Variants in CWC27 observed in about 807,000 individuals in gnomAD.
The protein encoded by CWC27 is CWC27 spliceosome associated cyclophilin, also known as spliceosome-associated protein CWC27 homolog.
CWC27 carries 47 observed loss-of-function variants against 63.6 expected under a neutral mutation model. That is an observed-to-expected ratio of 0.74 (90% CI 0.58 to 0.94). CWC27 has a LOEUF of 0.94. Among genes scored for constraint, CWC27 ranks in the 40% least tolerant of loss-of-function variants. The probability of loss-of-function intolerance (pLI) is 0.00; values close to 1 mark genes in which losing one functional copy is unlikely to be tolerated. For missense variants in CWC27, 495 were observed against 554.3 expected, an observed-to-expected ratio of 0.89 and a Z score of 1.07; for synonymous variants, 175 against 179.8, an observed-to-expected ratio of 0.97 and a Z score of 0.22.
intron 11 of CWC27, among the ~76,000 whole-genome samples, chr5:64,922,464 T>G (rs1169472416): frequency 6.6e-6 from 1 of 152,226 alleles, no homozygotes; most frequent in Non-Finnish European, 1.5e-5. Flanking sequence ...GTAGTGAATT[T>G]TTCATATCCA....
intron 10 of CWC27, among the ~76,000 whole-genome samples, chr5:64,848,233 T>C (rs1056044046): frequency 2.0e-4 from 30 of 152,060 alleles, no homozygotes; most frequent in African/African-American, 6.8e-4. Context: ...TTATAAACAA[T>C]TATGCACCAA....
At chr5:64,942,611 A>G (rs1748507720) in intron 11 of CWC27, among the ~76,000 whole-genome samples, 1 of 152,256 alleles carries the variant, frequency 6.6e-6, no homozygotes, top group African/African-American at 2.4e-5. Flanking sequence ...TATACGCACC[A>G]AAAGATTGAT....
At chr5:64,855,182 ATGT>A (rs992675308) in intron 10 of CWC27, among the ~76,000 whole-genome samples, 7 of 152,078 alleles carry the variant, frequency 4.6e-5, no homozygotes, top group Admixed American at 6.5e-5. Flanking sequence ...TGAAAAAGAG[ATGT>A]TGTTGTCATA....
intron 11 of CWC27, among the ~76,000 whole-genome samples, chr5:64,910,140 A>G (rs1747753519): frequency 6.6e-6 from 1 of 152,102 alleles, no homozygotes. Flanking sequence ...ATTGACGTTG[A>G]TGCTATTCCT....
intron 10 of CWC27, among the ~76,000 whole-genome samples, chr5:64,868,891 C>A (rs919027682): frequency 2.0e-5 from 3 of 151,954 alleles, no homozygotes; most frequent in Non-Finnish European, 4.4e-5. Context: ...TTTGCATATA[C>A]CCTTCCCTCT....
intron 11 of CWC27, among the ~76,000 whole-genome samples, chr5:64,900,785 G>GT (rs1418721958): frequency 6.6e-6 from 1 of 152,042 alleles, no homozygotes; most frequent in African/African-American, 2.4e-5. Flanking sequence ...GTGTTGCTAG[G>GT]TGATTTTATC....
intron 12 of CWC27, among the ~76,000 whole-genome samples, chr5:64,975,828 G>A (rs1309863277): frequency 2.0e-5 from 3 of 152,176 alleles, no homozygotes; most frequent in Non-Finnish European, 4.4e-5. Context: ...ACTTTGGGAG[G>A]CCAAGGCGTG....
chr5:64,829,305 G>A (rs1340394734), intron 10 of CWC27, among the ~76,000 whole-genome samples: 1 of 152,058 alleles, frequency 6.6e-6, no homozygotes, highest in African/African-American at 2.4e-5. Context: ...CTCAACTTAT[G>A]AATGGATCAT....
intron 11 of CWC27, among the ~76,000 whole-genome samples, chr5:64,922,223 G>C (rs1011598799): frequency 3.9e-5 from 6 of 152,132 alleles, no homozygotes; most frequent in Non-Finnish European, 5.9e-5. Context: ...CCTCAAATAT[G>C]TTTTCCATAT....
chr5:64,931,560 A>AT (rs534375413), intron 11 of CWC27, among the ~76,000 whole-genome samples: 104 of 151,786 alleles, frequency 6.9e-4, no homozygotes, highest in African/African-American at 2.2e-3. Flanking sequence ...ACTAATCTTA[A>AT]TTTTTTTTAC....
chr5:64,919,754 C>T (rs1259611010), intron 11 of CWC27, among the ~76,000 whole-genome samples: 1 of 152,192 alleles, frequency 6.6e-6, no homozygotes, highest in Non-Finnish European at 1.5e-5. Context: ...TACAGTCCAC[C>T]ATTAATGGGC....
At chr5:64,952,804 A>G (rs1748736441) in intron 11 of CWC27, among the ~76,000 whole-genome samples, 1 of 152,106 alleles carries the variant, frequency 6.6e-6, no homozygotes. Flanking sequence ...TGCTCCTTTC[A>G]GATAGTCTCA....
At chr5:64,802,604 G>A (rs1237141591) in intron 9 of CWC27, among the ~76,000 whole-genome samples, 1 of 152,128 alleles carries the variant, frequency 6.6e-6, no homozygotes, top group Admixed American at 6.5e-5. Flanking sequence ...AGATGGGAAA[G>A]AGGTAGATTT....
intron 13 of CWC27, among the ~76,000 whole-genome samples, chr5:64,998,886 A>G (rs1020692068): frequency 1.3e-5 from 2 of 150,098 alleles, no homozygotes; most frequent in African/African-American, 4.9e-5. Context: ...TTGTTTTTTT[A>G]CCATTTGTAT....
At chr5:64,998,860 TTC>T (rs1218389943) in intron 13 of CWC27, among the ~76,000 whole-genome samples, 1 of 152,066 alleles carries the variant, frequency 6.6e-6, no homozygotes, top group Non-Finnish European at 1.5e-5. Flanking sequence ...GATTTTTAAT[TTC>T]TCTTTTGAGT....
chr5:64,969,625 A>C (rs1375968419), intron 11 of CWC27, among the ~76,000 whole-genome samples: 1 of 152,156 alleles, frequency 6.6e-6, no homozygotes, highest in Non-Finnish European at 1.5e-5. Context: ...TGAAAGATAC[A>C]CTTAAGAAAA....
Position 64,801,348 on chromosome 5 carries a change from G to A in CWC27, c.780+16G>A. 2 of 1,362,090 alleles carry A rather than the reference G, an allele frequency of 1.5e-6. No individual in the cohort carries two copies. The highest frequency in any genetic ancestry group is 9.8e-7 in the Non-Finnish European group (1 of 1,017,858). 84.4% of individuals were successfully genotyped at this position (1,362,090 alleles called of 1,614,324 possible). A position where few individuals can be genotyped will look rare whatever the true frequency, so the allele number is the denominator to read the frequency against. On this transcript the variant is annotated intron_variant, in intron 9 of 13. Coordinates refer to ENST00000381070, the MANE Select transcript of CWC27 (RefSeq NM_005869.4). ...TTTAGTTGATGTAAGTATTTATTTT[G>A]GTATTAATATAGTTTGAACAATTCA...
At chr5:64,981,341 A>G (rs990277919) in intron 13 of CWC27, among the ~76,000 whole-genome samples, 11 of 152,308 alleles carry the variant, frequency 7.2e-5, no homozygotes, top group South Asian at 2.1e-4. Context: ...ATAGTACTAC[A>G]GCTTTATAAC....
chr5:64,967,010 C>A (rs1749028074), intron 11 of CWC27, among the ~76,000 whole-genome samples: 1 of 151,782 alleles, frequency 6.6e-6, no homozygotes, highest in Non-Finnish European at 1.5e-5. Context: ...TTTTTTTTTA[C>A]ATTCCCATGA....
Sources: allele counts gnomAD v4.1 joint callset (sites outside exome capture counted in the v4.1 genomes callset), GRCh38; gene constraint gnomAD v4.1.1; transcripts MANE v1.5; gene names NCBI Gene and HGNC (gene_info 2026-07-23, HGNC 2026-07-21).